ARHGAP21: variants seen among roughly 807,000 people sequenced by gnomAD.
The protein encoded by ARHGAP21 is Rho GTPase activating protein 21.
ARHGAP21 carries 38 observed loss-of-function variants against 164.6 expected under a neutral mutation model. That is an observed-to-expected ratio of 0.23 (90% CI 0.18 to 0.30). The LOEUF is 0.30. ARHGAP21 is among the 10% of genes least tolerant of loss of function. The probability of loss-of-function intolerance (pLI) is 1.00; values close to 1 mark genes in which losing one functional copy is unlikely to be tolerated. For synonymous variants in ARHGAP21, 766 were observed against 857.9 expected, an observed-to-expected ratio of 0.89 and a Z score of 1.87; for missense variants, 1,822 against 2,370.7, an observed-to-expected ratio of 0.77 and a Z score of 4.81.
chr10:24,606,590 G>A (rs1249348844), intron 11 of ARHGAP21, among the ~76,000 whole-genome samples: 1 of 152,138 alleles, frequency 6.6e-6, no homozygotes, highest in Non-Finnish European at 1.5e-5. Flanking sequence ...ATTAACAATA[G>A]ATATTAAAAT....
chr10:24,598,767 C>G (rs2076689657), intron 14 of ARHGAP21, among the ~76,000 whole-genome samples: 1 of 152,034 alleles, frequency 6.6e-6, no homozygotes, highest in African/African-American at 2.4e-5. Flanking sequence ...AGTAAGTTAT[C>G]TTGAATTTAA....
intron 7 of ARHGAP21, chr10:24,628,952 CTATATATATATATATATATATA>C (rs71397962): frequency 7.3e-5 from 1 of 13,764 alleles, no homozygotes; most frequent in Non-Finnish European, 1.1e-4. Flanking sequence ...CACACACACA[CTATATATATATATATATATATA>C]TATATATATT....
chr10:24,607,252 T>A (rs1044530055), intron 11 of ARHGAP21, among the ~76,000 whole-genome samples: 4 of 152,238 alleles, frequency 2.6e-5, no homozygotes, highest in African/African-American at 9.6e-5. Flanking sequence ...TAACATATTA[T>A]GTCTGAATAG....
chr10:24,701,834 G>A (rs139628182), intron 2 of ARHGAP21, among the ~76,000 whole-genome samples: 10 of 152,280 alleles, frequency 6.6e-5, no homozygotes, highest in Admixed American at 2.0e-4. Context: ...CAGACCGCAG[G>A]CTGTATACAA....
chr10:24,693,605 A>G lies in ARHGAP21; in HGVS notation c.64-23208T>C, dbSNP rs545744801. On this transcript the variant is annotated intron_variant, in intron 2 of 25. Coordinates refer to ENST00000396432, the MANE Select transcript of ARHGAP21 (RefSeq NM_020824.4). ...TGACCTCAGGTGATCCGCCCGCCTCAGCCTCCCAAAGTGCTGGGATTACAG... is the reference window on the plus strand; with the variant it reads ...TGACCTCAGGTGATCCGCCCGCCTCGGCCTCCCAAAGTGCTGGGATTACAG... 3.3e-5 allele frequency among the ~76,000 whole-genome samples: 5 copies of G among 152,100 alleles called. No individual in the cohort carries two copies. In the East Asian group the frequency reaches 7.8e-4, roughly 24 times the overall value.
chr10:24,673,992 T>C (rs775855100), intron 2 of ARHGAP21, among the ~76,000 whole-genome samples: 2 of 152,300 alleles, frequency 1.3e-5, no homozygotes, highest in East Asian at 3.9e-4. Flanking sequence ...CCAAGGAACA[T>C]AATCCATTAA....
rs577556330 is a variant in ARHGAP21, at chr10:24,620,910, G to C, written c.985C>G (p.Leu329Val). Residue 329 changes from leucine to valine, a missense_variant, in exon 9 of 26, where the codon CTA becomes GTA. By Grantham distance (32) the Leu-to-Val change is conservative (BLOSUM62 1). Coordinates refer to ENST00000396432, the MANE Select transcript of ARHGAP21 (RefSeq NM_020824.4). ...SPPLSIPTTHLIHQPAGSRSL... is the reference protein window; with the variant it reads ...SPPLSIPTTHVIHQPAGSRSL... ...CTGGAGCCTGCAGGCTGATGAATTA[G>C]ATGAGTGGTGGGAATTGATAATGGT... is the stretch of plus-strand genomic sequence containing the variant. The C allele has an allele frequency of 6.4e-5, 103 of 1,613,962 alleles. 2 individuals are homozygous for C. The South Asian group carries it at 1.1e-3, about 17-fold the overall frequency.
intron 2 of ARHGAP21, among the ~76,000 whole-genome samples, chr10:24,688,888 C>G (rs995188338): frequency 4.6e-5 from 7 of 152,138 alleles, no homozygotes; most frequent in African/African-American, 1.4e-4. Flanking sequence ...TTTTCTTTCC[C>G]TTCCTCCCAC....
intron 4 of ARHGAP21, among the ~76,000 whole-genome samples, chr10:24,645,585 GAAAA>G (rs34672775): frequency 3.4e-5 from 4 of 116,332 alleles, no homozygotes; most frequent in Non-Finnish European, 5.6e-5. Context: ...CTCTGTCTCA[GAAAA>G]AAAAAAAAAA....
intron 23 of ARHGAP21, 26 bp from the exon 24 acceptor site, chr10:24,591,356 T>A: frequency 6.5e-7 from 1 of 1,546,266 alleles, no homozygotes; most frequent in Non-Finnish European, 8.9e-7. Flanking sequence ...AAAGATCTCT[T>A]CATCATCTCT....
chr10:24,594,893 A>C, intron 21 of ARHGAP21, 57 bp downstream of exon 21: 1 of 1,382,412 alleles, frequency 7.2e-7, no homozygotes, highest in Non-Finnish European at 1.0e-6. Context: ...GTAATGAAGC[A>C]TATCTTTTAA....
intron 12 of ARHGAP21, among the ~76,000 whole-genome samples, chr10:24,603,337 G>A (rs1163296108): frequency 6.6e-6 from 1 of 152,118 alleles, no homozygotes; most frequent in African/African-American, 2.4e-5. Flanking sequence ...GAGGGCTCTA[G>A]GAAGTTAAAA....
At chr10:24,646,456 G>C (rs974651308) in intron 4 of ARHGAP21, among the ~76,000 whole-genome samples, 1 of 151,948 alleles carries the variant, frequency 6.6e-6, no homozygotes, top group Non-Finnish European at 1.5e-5. Flanking sequence ...TAGGCAACAT[G>C]GCAAAACCTT....
chr10:24,600,284 T>C (rs970162996), intron 14 of ARHGAP21, among the ~76,000 whole-genome samples: 3 of 152,192 alleles, frequency 2.0e-5, no homozygotes, highest in Admixed American at 2.0e-4. Flanking sequence ...TATATAGTTA[T>C]TTATACTGGT....
chr10:24,618,651 C>G (rs1452478164), intron 9 of ARHGAP21, among the ~76,000 whole-genome samples: 1 of 152,136 alleles, frequency 6.6e-6, no homozygotes, highest in Non-Finnish European at 1.5e-5. Flanking sequence ...AGCAAGGAGG[C>G]TGGTGAGGCT....
intron 2 of ARHGAP21, among the ~76,000 whole-genome samples, chr10:24,721,488 A>G (rs936318507): frequency 7.2e-5 from 11 of 152,160 alleles, no homozygotes; most frequent in African/African-American, 2.4e-4. Context: ...TCAACTCCAA[A>G]TATCTCGGAA....
intron 12 of ARHGAP21, among the ~76,000 whole-genome samples, chr10:24,603,195 GC>G (rs2076886202): frequency 6.6e-6 from 1 of 152,196 alleles, no homozygotes; most frequent in Non-Finnish European, 1.5e-5. Context: ...ATCAGGTGGA[GC>G]AAAAGAGCCT....
chr10:24,723,787 G>A lies in ARHGAP21; in HGVS notation c.-606C>T, dbSNP rs1196291917. On this transcript the variant is annotated 5_prime_UTR_variant, in exon 1 of 26. Coordinates refer to ENST00000396432, the MANE Select transcript of ARHGAP21 (RefSeq NM_020824.4). ...GGCCCCGGGCTCTCGGCCGCCGCAG[G>A]AGGGCGTGGGGCGGGGCGGCGGCCG... 1 of 147,440 alleles carries A rather than the reference G, an allele frequency of 6.8e-6. No individual in the cohort carries two copies. The highest frequency in any genetic ancestry group is 1.5e-5 in the Non-Finnish European group (1 of 66,460). The allele number at this position is 147,440 out of a possible 1,614,324, so 9.1% of individuals were successfully genotyped here.
chr10:24,665,307 C>CA (rs559624870), intron 4 of ARHGAP21, among the ~76,000 whole-genome samples: 314 of 133,628 alleles, frequency 2.3e-3, no homozygotes, highest in South Asian at 9.5e-3. Flanking sequence ...TTTGATAGTG[C>CA]AAAAAAAAAA....
Sources: gnomAD v4.1 joint callset for allele counts (sites outside exome capture counted in the v4.1 genomes callset) on GRCh38, gnomAD v4.1.1 for gene constraint, MANE v1.5 for transcripts, NCBI Gene and HGNC (gene_info 2026-07-23, HGNC 2026-07-21) for gene names.